CUEDC1: variants seen among roughly 807,000 people sequenced by gnomAD.
CUEDC1 encodes the protein CUE domain containing 1.
A neutral mutation model predicts 43.7 loss-of-function variants in CUEDC1; 30 were observed. The ratio of observed to expected loss-of-function variants is 0.69; its 90% CI spans 0.51 to 0.93. CUEDC1 has a LOEUF of 0.93. CUEDC1 is among the 40% of genes least tolerant of loss of function. The probability of loss-of-function intolerance (pLI) is 0.00; values close to 1 mark genes in which losing one functional copy is unlikely to be tolerated. For synonymous variants in CUEDC1, 223 were observed against 223.6 expected (o/e 1.00, Z 0.02); for missense variants, 486 against 549.0 (o/e 0.89, Z 1.15).
intron 1 of CUEDC1, among the ~76,000 whole-genome samples, chr17:57,949,227 C>T (rs1567728263): frequency 6.6e-6 from 1 of 152,178 alleles, no homozygotes; most frequent in Admixed American, 6.5e-5. Context: ...GGCAAAGTGC[C>T]CCCTTCCTCA....
intron 1 of CUEDC1, among the ~76,000 whole-genome samples, chr17:57,893,026 C>T (rs554257597): frequency 7.2e-5 from 11 of 152,364 alleles, no homozygotes; most frequent in Middle Eastern, 3.4e-3. Flanking sequence ...CACTTGCCAG[C>T]GCTCTCATTT....
intron 1 of CUEDC1, among the ~76,000 whole-genome samples, chr17:57,904,120 C>T (rs978263359): frequency 6.6e-6 from 1 of 151,934 alleles, no homozygotes; most frequent in Non-Finnish European, 1.5e-5. Flanking sequence ...TGAAAGACAC[C>T]CCCTCACCCC....
chr17:57,886,068 G>A (rs1353531169), intron 1 of CUEDC1, among the ~76,000 whole-genome samples, 189 bp from the exon 2 acceptor site: 1 of 152,184 alleles, frequency 6.6e-6, no homozygotes, highest in Non-Finnish European at 1.5e-5. Context: ...ACTAGCACAG[G>A]ACAGCCACCA....
intron 6 of CUEDC1, among the ~76,000 whole-genome samples, chr17:57,870,679 C>CTTT (rs35465474): frequency 6.9e-6 from 1 of 145,068 alleles, no homozygotes; most frequent in Non-Finnish European, 1.5e-5. Context: ...TCCTTTTCTT[C>CTTT]TTTTTTTTTT....
At chr17:57,911,933 A>T (rs1335631412) in intron 1 of CUEDC1, among the ~76,000 whole-genome samples, 2 of 152,250 alleles carry the variant, frequency 1.3e-5, no homozygotes, top group African/African-American at 4.8e-5. Context: ...TGACATTCAC[A>T]AACAGACTTC....
intron 1 of CUEDC1, among the ~76,000 whole-genome samples, chr17:57,951,376 C>T (rs1163760444): frequency 6.6e-6 from 1 of 152,152 alleles, no homozygotes; most frequent in African/African-American, 2.4e-5. Context: ...TCAGATCTTA[C>T]ACTCTAAACA....
At chr17:57,879,264 AG>A (rs1425401234) in intron 3 of CUEDC1, among the ~76,000 whole-genome samples, 27 of 152,116 alleles carry the variant, frequency 1.8e-4, no homozygotes, top group Admixed American at 1.8e-3. Context: ...TGGGCTTGGG[AG>A]GGGAAGTGCC....
chr17:57,938,960 CTTTTTTTTTTTTTTTT>C (rs55687937), intron 1 of CUEDC1, among the ~76,000 whole-genome samples: 1 of 82,696 alleles, frequency 1.2e-5, no homozygotes, highest in South Asian at 4.3e-4. Context: ...CGTGCCCAGC[CTTTTTTTTTTTTTTTT>C]TTTTTTTTTG....
At chr17:57,920,081 G>A (rs1000541364) in intron 1 of CUEDC1, among the ~76,000 whole-genome samples, 2 of 152,174 alleles carry the variant, frequency 1.3e-5, no homozygotes, top group Non-Finnish European at 2.9e-5. Flanking sequence ...CACAGGCATG[G>A]AAAGCTTAAA....
intron 1 of CUEDC1, among the ~76,000 whole-genome samples, chr17:57,924,219 C>T (rs933731776): frequency 6.6e-6 from 1 of 152,138 alleles, no homozygotes; most frequent in African/African-American, 2.4e-5. Flanking sequence ...GATTTTTATG[C>T]CTCAGCCTCC....
chr17:57,948,587 G>T (rs1220677261), intron 1 of CUEDC1, among the ~76,000 whole-genome samples: 1 of 152,124 alleles, frequency 6.6e-6, no homozygotes, highest in East Asian at 1.9e-4. Context: ...TTTATCCTCC[G>T]ATCACCGAGC....
chr17:57,892,863 G>T (rs1219535210), intron 1 of CUEDC1, among the ~76,000 whole-genome samples: 1 of 151,938 alleles, frequency 6.6e-6, no homozygotes, highest in Non-Finnish European at 1.5e-5. Flanking sequence ...TTTGGCACAT[G>T]TGCCACCACC....
At chr17:57,865,090 G>A (rs1470088836) in intron 10 of CUEDC1, among the ~76,000 whole-genome samples, 2 of 151,304 alleles carry the variant, frequency 1.3e-5, no homozygotes, top group Non-Finnish European at 2.9e-5. Flanking sequence ...ATGAATGAAT[G>A]ATGAGCAAGT....
At chr17:57,905,315 A>C in intron 1 of CUEDC1, among the ~76,000 whole-genome samples, 1 of 140,496 alleles carries the variant, frequency 7.1e-6, no homozygotes. Context: ...TCAACTCTCC[A>C]CCCAGCTCTA....
At chr17:57,946,416 G>A (rs1274514713) in intron 1 of CUEDC1, among the ~76,000 whole-genome samples, 4 of 152,188 alleles carry the variant, frequency 2.6e-5, no homozygotes, top group Non-Finnish European at 4.4e-5. Context: ...ATTTTCTAGG[G>A]TAATGATGTC....
intron 1 of CUEDC1, among the ~76,000 whole-genome samples, chr17:57,891,021 G>A (rs2144981163): frequency 6.6e-6 from 1 of 152,278 alleles, no homozygotes; most frequent in Admixed American, 6.5e-5. Context: ...TGTGGCTTGG[G>A]GCACAGGCCT....
chr17:57,887,328 T>G (rs1597985083), intron 1 of CUEDC1, among the ~76,000 whole-genome samples: 1 of 152,194 alleles, frequency 6.6e-6, no homozygotes, highest in Non-Finnish European at 1.5e-5. Context: ...TGCATTTCTG[T>G]TAGCACAGAC....
At chr17:57,864,356 G>A (rs1458336812) in intron 10 of CUEDC1, among the ~76,000 whole-genome samples, 1 of 152,200 alleles carries the variant, frequency 6.6e-6, no homozygotes, top group Admixed American at 6.5e-5. Context: ...ATAAAAGAGG[G>A]CGGAGGCACT....
At chr17:57,912,979 G>A (rs1243391762) in intron 1 of CUEDC1, among the ~76,000 whole-genome samples, 3 of 152,116 alleles carry the variant, frequency 2.0e-5, no homozygotes, top group African/African-American at 7.2e-5. Context: ...AGAGTAGCTA[G>A]GCCTACAGGC....
Sources: allele counts gnomAD v4.1 joint callset (sites outside exome capture counted in the v4.1 genomes callset), GRCh38; gene constraint gnomAD v4.1.1; transcripts MANE v1.5; gene names NCBI Gene and HGNC (gene_info 2026-07-23, HGNC 2026-07-21).